Variants in DMD observed in about 807,000 individuals in gnomAD.
The protein encoded by DMD is dystrophin, also known as mutant dystrophin.
Under a neutral mutation model 330.1 loss-of-function variants are expected in DMD, and 63 were observed. The observed-to-expected ratio is 0.19, with a 90% confidence interval of 0.16 to 0.24. DMD has a LOEUF of 0.24. Ranked by LOEUF, DMD falls within the 10% of genes least tolerant of loss-of-function variation. The pLI is 1.00. For synonymous variants in DMD, 1,223 were observed against 959.8 expected, an observed-to-expected ratio of 1.27 and a Z score of -5.07; for missense variants, 3,344 against 2,684.1, an observed-to-expected ratio of 1.25 and a Z score of -5.43.
At chrX:33,298,876 G>A (rs1215266525) in intron 1 of DMD, among the ~76,000 whole-genome samples, 1 of 111,380 alleles carries the variant, frequency 9.0e-6, no homozygotes, top group Non-Finnish European at 1.9e-5. Flanking sequence ...TCATTGATCC[G>A]GCATGTCACA....
At chrX:32,854,975 T>C (rs1392536655) in intron 2 of DMD, among the ~76,000 whole-genome samples, 1 of 111,798 alleles carries the variant, frequency 8.9e-6, no homozygotes, top group Non-Finnish European at 1.9e-5. Flanking sequence ...AAAAAGGTCA[T>C]TCGTTATAAC....
In DMD at chrX:31,658,061, A is replaced by G. The variant is rs757902182; in HGVS notation, c.7956T>C (p.Ser2652=). 1.4e-5 allele frequency: 17 copies of G among 1,211,386 alleles called. No individual in the cohort carries two copies. The highest frequency in any genetic ancestry group is 1.9e-5 in the Non-Finnish European group (17 of 894,890). ...DLALKLLRDY[S]ADDTRKVHMI... is the part of the protein sequence containing the mutation. ...TGTGGACTTTTCTGGTATCATCTGCAGAATAATCCCGGAGAAGTTTCAGGG... is the reference window on the plus strand; with the variant it reads ...TGTGGACTTTTCTGGTATCATCTGCGGAATAATCCCGGAGAAGTTTCAGGG... The change falls in exon 54 of 79, where the codon TCT becomes TCC. Residue 2652 remains serine (S), a synonymous_variant. Transcript: ENST00000357033.
chrX:31,477,102 G>A (rs1278307841), intron 59 of DMD, among the ~76,000 whole-genome samples: 2 of 111,891 alleles, frequency 1.8e-5, no homozygotes, highest in East Asian at 2.8e-4. Context: ...ATTTGTGATC[G>A]TAATGCCACA....
In DMD at chrX:32,542,513, C is replaced by A. The variant is rs898040871; in HGVS notation, c.2168+2646G>T. Among the ~76,000 whole-genome samples, 3 of 111,956 alleles carry A rather than the reference C, an allele frequency of 2.7e-5. No homozygotes were observed. In the East Asian group the frequency reaches 8.4e-4, roughly 31 times the overall value. On this transcript the variant is annotated intron_variant, in intron 17 of 78. Coordinates refer to ENST00000357033, the MANE Select transcript of DMD (RefSeq NM_004006.3). ...ATAAGGCAGAAGGAATAAAACAAGT[C>A]AGGTAAAGAGTCGTGGGTGACAACT...
At chrX:31,341,891 G>GCGCGCGCGCACACACACACACACA (rs374298104) in intron 61 of DMD, among the ~76,000 whole-genome samples, 69 of 98,890 alleles carry the variant, frequency 7.0e-4, no homozygotes, top group African/African-American at 1.4e-3. Flanking sequence ...GTGCGCGCGC[G>GCGCGCGCGCACACACACACACACA]CACACACACA....
chrX:32,869,976 A>G (rs2082818801), intron 2 of DMD, among the ~76,000 whole-genome samples: 1 of 110,692 alleles, frequency 9.0e-6, no homozygotes, highest in Admixed American at 9.7e-5. Context: ...GCAATCAGGC[A>G]AGAGAAAGAA....
intron 55 of DMD, among the ~76,000 whole-genome samples, chrX:31,583,748 GAT>G (rs10533940): frequency 0.17 from 18,047 of 106,239 alleles, 1,230 homozygotes; most frequent in Middle Eastern, 0.27. Context: ...ATCACCTAGA[GAT>G]ATATATATAT....
At chrX:32,493,774 C>CA (rs776892973) in intron 19 of DMD, among the ~76,000 whole-genome samples, 2 of 111,392 alleles carry the variant, frequency 1.8e-5, no homozygotes, top group African/African-American at 6.5e-5. Flanking sequence ...ATGTTAATAA[C>CA]AAAAAATGTG....
At chrX:31,522,361 C>CTATATATATATATATATATA (rs1454794019) in intron 55 of DMD, among the ~76,000 whole-genome samples, 8 of 50,228 alleles carry the variant, frequency 1.6e-4, no homozygotes, top group Non-Finnish European at 2.2e-4. Context: ...CTCTCTCTCT[C>CTATATATATATATATATATA]TCTATATATA....
chrX:32,226,260 T>C (rs753373764), intron 43 of DMD, among the ~76,000 whole-genome samples: 9 of 111,868 alleles, frequency 8.0e-5, no homozygotes, highest in East Asian at 2.8e-4. Flanking sequence ...ACTGAAAACA[T>C]AGAAAATCTG....
At chrX:32,318,063 T>G (rs768943772) in intron 41 of DMD, among the ~76,000 whole-genome samples, 7 of 111,221 alleles carry the variant, frequency 6.3e-5, no homozygotes, top group African/African-American at 2.3e-4. Context: ...AAAATAGGAC[T>G]GCAGGCTTTA....
intron 2 of DMD, among the ~76,000 whole-genome samples, chrX:32,994,734 A>C (rs1244887584): frequency 1.8e-5 from 2 of 112,042 alleles, no homozygotes; most frequent in Non-Finnish European, 3.8e-5. Context: ...TAGATATGTT[A>C]ATTAGCTTGA....
chrX:31,373,961 A>C (rs1446851964), intron 60 of DMD, among the ~76,000 whole-genome samples: 3 of 109,365 alleles, frequency 2.7e-5, no homozygotes, highest in Admixed American at 9.8e-5. Flanking sequence ...CAATGAACTC[A>C]AACAAATGTA....
intron 4 of DMD, among the ~76,000 whole-genome samples, chrX:32,826,926 A>T (rs1332708260): frequency 3.6e-5 from 4 of 110,460 alleles, no homozygotes; most frequent in African/African-American, 1.3e-4. Context: ...TAGATATTTT[A>T]AAAAATCATA....
intron 59 of DMD, among the ~76,000 whole-genome samples, chrX:31,464,828 C>T (rs73450071): frequency 9.4e-4 from 106 of 112,306 alleles, no homozygotes; most frequent in African/African-American, 3.4e-3. Context: ...TTATAGACTT[C>T]GGTGAAGACA....
intron 2 of DMD, among the ~76,000 whole-genome samples, chrX:32,983,511 A>C (rs1461903465): frequency 9.8e-6 from 1 of 101,754 alleles, no homozygotes; most frequent in Non-Finnish European, 2.0e-5. Flanking sequence ...CATGTGATGA[A>C]ACTGTACAGA....
At chrX:32,352,082 T>C (rs1187419435) in intron 37 of DMD, among the ~76,000 whole-genome samples, 1 of 111,033 alleles carries the variant, frequency 9.0e-6, no homozygotes, top group Non-Finnish European at 1.9e-5. Context: ...GCAAAAATTA[T>C]TTGGAGCCTA....
chrX:31,160,665 AATG>A (rs1299542481), intron 74 of DMD, among the ~76,000 whole-genome samples: 1 of 111,961 alleles, frequency 8.9e-6, no homozygotes, highest in Non-Finnish European at 1.9e-5. Context: ...ATGCTAACGT[AATG>A]ATGACTTTCC....
chrX:32,953,746 G>T (rs1211478963), intron 2 of DMD, among the ~76,000 whole-genome samples: 1 of 112,217 alleles, frequency 8.9e-6, no homozygotes, highest in Non-Finnish European at 1.9e-5. Flanking sequence ...AATTTTCAAA[G>T]ACAGTATGCT....
Sources: allele counts gnomAD v4.1 joint callset (sites outside exome capture counted in the v4.1 genomes callset), GRCh38; gene constraint gnomAD v4.1.1; transcripts MANE v1.5; gene names NCBI Gene and HGNC (gene_info 2026-07-23, HGNC 2026-07-21).